The following SH3D19 variants were observed in gnomAD, a reference collection of about 807,000 sequenced individuals.
The protein encoded by SH3D19 is SH3 domain-containing protein 19.
A neutral mutation model predicts 112.1 loss-of-function variants in SH3D19; 58 were observed. The observed-to-expected ratio is 0.52, with a 90% CI of 0.42 to 0.64. SH3D19 has a LOEUF of 0.64. Among genes scored for constraint, SH3D19 ranks in the 30% least tolerant of loss-of-function variants. SH3D19 has a pLI of 0.00. For synonymous variants in SH3D19, 391 were observed against 448.5 expected (o/e 0.87, Z 1.62); for missense variants, 1,090 against 1,263.4 (o/e 0.86, Z 2.08).
At chr4:151,255,355 C>T (rs1307228083) in intron 1 of SH3D19, among the ~76,000 whole-genome samples, 3 of 149,944 alleles carry the variant, frequency 2.0e-5, no homozygotes, top group East Asian at 2.0e-4. Flanking sequence ...GACAGGGTCG[C>T]GGCCGGGCAG....
intron 2 of SH3D19, among the ~76,000 whole-genome samples, chr4:151,194,062 G>A (rs1056895328): frequency 8.7e-5 from 11 of 126,836 alleles, no homozygotes; most frequent in African/African-American, 1.8e-4. Context: ...ACTCAGCTCT[G>A]TCACCCAGGC....
At chr4:151,229,537 C>T (rs564139378) in intron 1 of SH3D19, among the ~76,000 whole-genome samples, 1 of 152,248 alleles carries the variant, frequency 6.6e-6, no homozygotes, top group Admixed American at 6.5e-5. Flanking sequence ...TCTTCCATTC[C>T]CTGTCCCTCT....
intron 1 of SH3D19, chr4:151,266,099 A>T (rs767685032): frequency 6.6e-6 from 1 of 152,188 alleles, no homozygotes; most frequent in Non-Finnish European, 1.5e-5. Flanking sequence ...ATGTTTTAGG[A>T]AGAAGGTAAT....
intron 1 of SH3D19, among the ~76,000 whole-genome samples, chr4:151,316,288 G>A (rs1729976127): frequency 6.6e-6 from 1 of 152,112 alleles, no homozygotes; most frequent in African/African-American, 2.4e-5. Context: ...TCAAAAACAA[G>A]GAAAATCTAA....
Position 151,143,985 on chromosome 4 carries a change from T to C in SH3D19, c.2148A>G (p.Glu716=), listed in dbSNP as rs768733511. 6.2e-7 allele frequency: 1 copy of C among 1,614,148 alleles called. No homozygotes were observed. The highest frequency in any genetic ancestry group is 2.2e-5 in the East Asian group (1 of 44,872). ...ENNYLECQKG[E]DTGRVHLSQM... ...GAGACAGGTGAACTCTGCCAGTGTC[T>C]TCTCCCTTTTGGCACTCCAAGTAAT... The change falls in exon 12 of 20, where the codon GAA becomes GAG. Residue 716 remains glutamate, a synonymous_variant. Transcript: ENST00000604030.
Position 151,312,517 on chromosome 4 carries a change from T to C in SH3D19, c.112+12724A>G, listed in dbSNP as rs1180358593. ...ATGTCCTGCCAAGAGTTGAGAAGCC[T>C]GGCCCTACAGTAGAGATAACTGAGG... On this transcript the variant is annotated intron_variant, in intron 1 of 19. Coordinates refer to ENST00000604030, the MANE Select transcript of SH3D19 (RefSeq NM_001378122.1). Among the ~76,000 whole-genome samples, 3 of 152,220 alleles carry C rather than the reference T, an allele frequency of 2.0e-5. No individual in the cohort carries two copies. In the East Asian group the frequency reaches 5.8e-4, roughly 29 times the overall value.
intron 8 of SH3D19, among the ~76,000 whole-genome samples, chr4:151,163,428 CTTA>C (rs1454286664): frequency 6.6e-5 from 10 of 152,202 alleles, no homozygotes; most frequent in Admixed American, 3.3e-4. Flanking sequence ...GGCAAAATTT[CTTA>C]TTATTATATG....
intron 8 of SH3D19, 44 bp downstream of exon 8, chr4:151,165,545 C>G: frequency 7.1e-7 from 1 of 1,418,368 alleles, no homozygotes; most frequent in Non-Finnish European, 9.9e-7. Context: ...ATATTTCTCC[C>G]AGCCTCTTGA....
In SH3D19 at chr4:151,214,180, G is replaced by T. The variant is rs182910437; in HGVS notation, c.152+11867C>A. On this transcript the variant is annotated intron_variant, in intron 2 of 19. Transcript: ENST00000604030. ...CACATGTTTCAGAGAGCACAGGGCT[G>T]GGGGGTAAGGTCACAGATCAACAGG... Among the ~76,000 whole-genome samples, 408 of 151,886 alleles carry T rather than the reference G, an allele frequency of 2.7e-3. 3 individuals carry two copies. Among genetic ancestry groups the T allele is most frequent in the East Asian group, 0.017 (87 of 5,158 alleles).
At position 151,187,425 on chromosome 4, in the gene SH3D19, C is replaced by G; in HGVS notation, c.191G>C (p.Arg64Thr). Residue 64 changes from arginine (R) to threonine (T), a missense_variant and splice_region_variant, in exon 3 of 20, where the codon AGA (arginine) becomes ACA (threonine). By Grantham distance (71) the Arg-to-Thr change is moderately conservative. Coordinates refer to ENST00000604030, the MANE Select transcript of SH3D19 (RefSeq NM_001378122.1). ...PLSSIRAVIK[R>T]SSRTSIQSEL... ...AGAGAAGGAAAAAACAAACTTACAT[C>G]TCTTGATTACCGCTCTAATGGATGA... The G allele has an allele frequency of 8.1e-7, 1 of 1,227,936 alleles. No homozygotes were observed. Among genetic ancestry groups the G allele is most frequent in the Non-Finnish European group, 1.0e-6 (1 of 984,184 alleles). 76.1% of individuals were successfully genotyped at this position (1,227,936 alleles called of 1,614,324 possible).
intron 3 of SH3D19, 48 bp from the exon 4 acceptor site, chr4:151,179,445 G>C: frequency 8.8e-7 from 1 of 1,130,742 alleles, no homozygotes; most frequent in East Asian, 3.2e-5. Context: ...AGTATGTTTG[G>C]TAAGGGTTTA....
intron 1 of SH3D19, among the ~76,000 whole-genome samples, chr4:151,294,322 A>T (rs920805466): frequency 4.6e-5 from 7 of 152,260 alleles, no homozygotes; most frequent in Non-Finnish European, 8.8e-5. Context: ...TCAGTTAAAT[A>T]CAAGTTAGTT....
intron 1 of SH3D19, among the ~76,000 whole-genome samples, chr4:151,314,904 TG>T (rs1729841840): frequency 6.6e-6 from 1 of 152,122 alleles, no homozygotes. Flanking sequence ...GGGAGGAAGA[TG>T]GTAAGGGGAA....
intron 15 of SH3D19, among the ~76,000 whole-genome samples, chr4:151,133,547 A>G (rs1318825376): frequency 6.6e-6 from 1 of 152,160 alleles, no homozygotes; most frequent in Non-Finnish European, 1.5e-5. Flanking sequence ...GGCCACAGCA[A>G]TCCGTGGTCC....
At chr4:151,137,650 T>A (rs772918702) in intron 14 of SH3D19, 82 bp downstream of exon 14, 1 of 1,119,390 alleles carries the variant, frequency 8.9e-7, no homozygotes, top group Non-Finnish European at 1.2e-6. Flanking sequence ...GAATCTGGGT[T>A]TCTAGTTATT....
chr4:151,299,355 C>T (rs558562558), intron 1 of SH3D19, among the ~76,000 whole-genome samples: 6 of 151,878 alleles, frequency 4.0e-5, no homozygotes, highest in Non-Finnish European at 8.8e-5. Flanking sequence ...CCGAGGCGGG[C>T]GGATCACCTG....
At chr4:151,265,572 T>TTC (rs1441645788) in intron 1 of SH3D19, among the ~76,000 whole-genome samples, 28 of 100,026 alleles carry the variant, frequency 2.8e-4, no homozygotes, top group Non-Finnish European at 3.4e-4. Context: ...TTCTTTTCTT[T>TTC]TTTTTTTTTT....
At chr4:151,305,678 A>C (rs905303869) in intron 1 of SH3D19, among the ~76,000 whole-genome samples, 3 of 152,268 alleles carry the variant, frequency 2.0e-5, no homozygotes, top group Non-Finnish European at 4.4e-5. Flanking sequence ...AGCAGCATCA[A>C]GTGCTGGTGA....
chr4:151,194,962 C>A (rs1328312627), intron 2 of SH3D19, among the ~76,000 whole-genome samples: 1 of 151,324 alleles, frequency 6.6e-6, no homozygotes, highest in Non-Finnish European at 1.5e-5. Context: ...GTAATCCCAG[C>A]TACCCGGTAG....
Sources: allele counts gnomAD v4.1 joint callset (sites outside exome capture counted in the v4.1 genomes callset), GRCh38; gene constraint gnomAD v4.1.1; transcripts MANE v1.5; gene names NCBI Gene and HGNC (gene_info 2026-07-23, HGNC 2026-07-21).